Variants in PCDHA2 observed in about 807,000 individuals in gnomAD.
PCDHA2 encodes protocadherin alpha-2.
A neutral mutation model predicts 66.0 loss-of-function variants in PCDHA2; 58 were observed. The observed-to-expected ratio is 0.88, with a 90% CI of 0.71 to 1.09. PCDHA2 has a LOEUF of 1.09. PCDHA2 is among the 50% of genes least tolerant of loss of function. The probability of loss-of-function intolerance (pLI) is 0.00; values close to 1 mark genes in which losing one functional copy is unlikely to be tolerated. For synonymous variants in PCDHA2, 634 were observed against 554.0 expected (o/e 1.14, Z -2.03); for missense variants, 1,267 against 1,242.3 (o/e 1.02, Z -0.30).
intron 1 of PCDHA2, among the ~76,000 whole-genome samples, chr5:140,955,604 C>T (rs1431862665): frequency 7.2e-5 from 11 of 152,060 alleles, no homozygotes; most frequent in Non-Finnish European, 1.5e-4. Context: ...TATAAATTAC[C>T]CAGTCTCAGG....
chr5:140,805,204 A>G lies in PCDHA2; in HGVS notation c.2388+7852A>G, dbSNP rs956431518. ...CCAAATAAATATTGAATAGCTACCA[A>G]ATAAACATTGTTTTCTATTCTGCTG... On this transcript the variant is annotated intron_variant, in intron 1 of 3. Transcript: ENST00000526136. 5.6e-6 allele frequency: 8 copies of G among 1,437,732 alleles called. No individual in the cohort carries two copies. The Admixed American group carries it at 2.1e-4, about 37-fold the overall frequency. 89.1% of individuals were successfully genotyped at this position (1,437,732 alleles called of 1,614,324 possible).
intron 1 of PCDHA2, chr5:140,817,470 C>T (rs2150098250): frequency 6.6e-6 from 1 of 152,180 alleles, no homozygotes; most frequent in South Asian, 2.1e-4. Context: ...GATGTCACTA[C>T]CTCTGTTATC....
chr5:140,971,928 T>C (rs1318885872), intron 1 of PCDHA2, among the ~76,000 whole-genome samples: 1 of 152,186 alleles, frequency 6.6e-6, no homozygotes, highest in Non-Finnish European at 1.5e-5. Flanking sequence ...GCTAGTGTTA[T>C]TTTAAGTTGT....
intron 1 of PCDHA2, chr5:140,807,228 T>C: frequency 6.2e-7 from 1 of 1,614,210 alleles, no homozygotes; most frequent in South Asian, 1.1e-5. Flanking sequence ...TCCCGGCGTC[T>C]GCTGCTCTTA....
chr5:140,877,014 C>T, intron 1 of PCDHA2: 4 of 1,612,440 alleles, frequency 2.5e-6, no homozygotes, highest in Non-Finnish European at 2.5e-6. Flanking sequence ...ACGCGGAGAG[C>T]GGCAAGGTGT....
chr5:141,007,395 CAAAAAAAAAAAAAAAA>C (rs35800918), intron 3 of PCDHA2, among the ~76,000 whole-genome samples: 1 of 94,866 alleles, frequency 1.1e-5, no homozygotes. Context: ...TACTAAAATA[CAAAAAAAAAAAAAAAA>C]AAAAAAATTA....
chr5:140,857,329 G>T (rs781793178), intron 1 of PCDHA2: 1 of 1,598,568 alleles, frequency 6.3e-7, no homozygotes. Context: ...TGACCGCGCG[G>T]GACGGGGGCT....
chr5:140,959,842 C>G (rs1219308136), intron 1 of PCDHA2, among the ~76,000 whole-genome samples: 2 of 152,118 alleles, frequency 1.3e-5, no homozygotes, highest in African/African-American at 4.8e-5. Context: ...ATGCCTGTAA[C>G]TGCTAAAGGA....
chr5:140,844,193 C>G (rs2150369320), intron 1 of PCDHA2, among the ~76,000 whole-genome samples: 1 of 149,542 alleles, frequency 6.7e-6, no homozygotes, highest in East Asian at 1.9e-4. Flanking sequence ...TCTTATCTGA[C>G]TTTTTAGTGT....
At position 140,974,721 on chromosome 5, in the gene PCDHA2, G is replaced by A. The variant is rs1033117636; in HGVS notation, c.2389-4228G>A. 3.9e-5 allele frequency among the ~76,000 whole-genome samples: 6 copies of A among 152,050 alleles called. No homozygotes were observed. In the East Asian group the frequency reaches 1.2e-3, roughly 29 times the overall value. On this transcript the variant is annotated intron_variant, in intron 1 of 3. Transcript: ENST00000526136. ...TCACCATGTTGTTCAAGCTGCTCTCGAACTCCTGTCTCCACCTTGGCCTCC... is the reference window on the plus strand; with the variant it reads ...TCACCATGTTGTTCAAGCTGCTCTCAAACTCCTGTCTCCACCTTGGCCTCC...
At position 140,849,642 on chromosome 5, in the gene PCDHA2, G is replaced by A. The variant is rs2150443693; in HGVS notation, c.2388+52290G>A. 5 of 1,598,584 alleles carry A rather than the reference G, an allele frequency of 3.1e-6. No individual in the cohort carries two copies. The African/African-American group carries it at 4.0e-5, about 13-fold the overall frequency. Reference sequence around the variant, plus strand: ...GATCGACCTAGACGCAGATGCCAACGGGCAGGTTACCTGCTCCCTGACGCC... The same window carrying A: ...GATCGACCTAGACGCAGATGCCAACAGGCAGGTTACCTGCTCCCTGACGCC... On this transcript the variant is annotated intron_variant, in intron 1 of 3. Coordinates refer to ENST00000526136, the MANE Select transcript of PCDHA2 (RefSeq NM_018905.3).
rs1563652468 is a variant in PCDHA2, at chr5:141,000,419, A to ATT, written c.2537-9207_2537-9206insTT. ...TCTATATATATATATATATATATAT[A>ATT]TATTTTTTTTTTTTTTTTTTTTTTT... On this transcript the variant is annotated intron_variant, in intron 3 of 3. Transcript: ENST00000526136. 2.1e-3 allele frequency among the ~76,000 whole-genome samples: 126 copies of ATT among 60,978 alleles called. 1 individual carries two copies. The highest frequency in any genetic ancestry group is 3.3e-3 in the African/African-American group (43 of 13,160). The allele number at this position is 60,978 out of a possible 152,430, so 40.0% of individuals were successfully genotyped here. A position where few individuals can be genotyped will look rare whatever the true frequency, so the allele number is the denominator to read the frequency against.
intron 1 of PCDHA2, chr5:140,809,091 G>A (rs376395074): frequency 1.9e-6 from 3 of 1,613,840 alleles, no homozygotes; most frequent in African/African-American, 2.7e-5. Flanking sequence ...AGCACAACGC[G>A]TGCCCTGGAC....
chr5:140,832,937 G>A (rs1470692327), intron 1 of PCDHA2, among the ~76,000 whole-genome samples: 1 of 152,104 alleles, frequency 6.6e-6, no homozygotes, highest in African/African-American at 2.4e-5. Flanking sequence ...TGAGAAGAGA[G>A]TAACTTAAGT....
chr5:140,986,018 C>T (rs943946792), intron 3 of PCDHA2, among the ~76,000 whole-genome samples: 2 of 152,110 alleles, frequency 1.3e-5, no homozygotes, highest in African/African-American at 2.4e-5. Flanking sequence ...GGATTACAGG[C>T]GTGAGCCACT....
chr5:140,835,826 C>A, intron 1 of PCDHA2: 1 of 1,612,456 alleles, frequency 6.2e-7, no homozygotes, highest in East Asian at 2.2e-5. Flanking sequence ...CGGCGGGGGA[C>A]GCGGACGCGC....
intron 1 of PCDHA2, among the ~76,000 whole-genome samples, chr5:140,932,192 TTC>T (rs2088100364): frequency 6.6e-6 from 1 of 151,968 alleles, no homozygotes. Context: ...GTCCATTTTT[TTC>T]TGTTAATATT....
chr5:140,834,430 T>G lies in PCDHA2; in HGVS notation c.2388+37078T>G, dbSNP rs1772988192. 1.9e-6 allele frequency: 3 copies of G among 1,613,806 alleles called. No homozygotes were observed. In the East Asian group the frequency reaches 6.7e-5, roughly 36 times the overall value. On this transcript the variant is annotated intron_variant, in intron 1 of 3. Coordinates refer to ENST00000526136, the MANE Select transcript of PCDHA2 (RefSeq NM_018905.3). ...GACCCAGGGGGCCGACATCTACTGC[T>G]GTTTATTATAATTCTAGCAGCTTGG...
chr5:140,857,573 G>A (rs142356019), intron 1 of PCDHA2: 83,412 of 1,596,632 alleles, frequency 0.052, 9,343 homozygotes, highest in Middle Eastern at 0.089. Flanking sequence ...CTACGTGTCG[G>A]TGCACGCGGA....
Sources: allele counts gnomAD v4.1 joint callset (sites outside exome capture counted in the v4.1 genomes callset), GRCh38; gene constraint gnomAD v4.1.1; transcripts MANE v1.5; gene names NCBI Gene and HGNC (gene_info 2026-07-23, HGNC 2026-07-21).